The following LGMN variants were observed in gnomAD, a reference collection of about 807,000 sequenced individuals.
The protein encoded by LGMN is asparaginyl endopeptidase.
A neutral mutation model predicts 56.8 loss-of-function variants in LGMN; 36 were observed. The observed-to-expected ratio is 0.63, with a 90% CI of 0.49 to 0.84. The LOEUF (loss-of-function observed/expected upper bound fraction) is 0.84, where lower values mean the gene tolerates loss of function less well. Among genes scored for constraint, LGMN ranks in the 40% least tolerant of loss-of-function variants. The probability of loss-of-function intolerance (pLI) is 0.00; values close to 1 mark genes in which losing one functional copy is unlikely to be tolerated. For synonymous variants in LGMN, 199 were observed against 210.1 expected, an observed-to-expected ratio of 0.95 and a Z score of 0.46; for missense variants, 446 against 556.1, an observed-to-expected ratio of 0.80 and a Z score of 1.99.
chr14:92,715,325 TCTC>T (rs993464086), intron 5 of LGMN, among the ~76,000 whole-genome samples: 3 of 148,238 alleles, frequency 2.0e-5, no homozygotes, highest in African/African-American at 5.0e-5. Flanking sequence ...TTCAAGCAAT[TCTC>T]CTTCAGCCAC....
chr14:92,722,642 T>C (rs2140241119), intron 2 of LGMN, among the ~76,000 whole-genome samples: 1 of 152,206 alleles, frequency 6.6e-6, no homozygotes, highest in South Asian at 2.1e-4. Context: ...AAACCTTTAG[T>C]GCTTCCAAAG....
chr14:92,746,673 T>C (rs1379695352), intron 1 of LGMN, among the ~76,000 whole-genome samples: 1 of 152,118 alleles, frequency 6.6e-6, no homozygotes, highest in Non-Finnish European at 1.5e-5. Flanking sequence ...ACATTCAGGA[T>C]AAACTCCAAA....
intron 5 of LGMN, among the ~76,000 whole-genome samples, chr14:92,715,468 G>A (rs1006502546): frequency 1.3e-5 from 2 of 152,142 alleles, no homozygotes; most frequent in Non-Finnish European, 2.9e-5. Context: ...CGCCCACCTT[G>A]GCCTCCCAAA....
intron 1 of LGMN, among the ~76,000 whole-genome samples, chr14:92,745,709 C>G (rs1891784989): frequency 1.3e-5 from 2 of 152,208 alleles, no homozygotes; most frequent in South Asian, 4.1e-4. Context: ...ATACAAATGT[C>G]TCTGGCTTCT....
chr14:92,704,556 A>C (rs2402189), intron 13 of LGMN, 84 bp downstream of exon 13: 776,340 of 1,255,054 alleles, frequency 0.62, 244,081 homozygotes, highest in African/African-American at 0.82. Flanking sequence ...AGAAGTGAAA[A>C]TGCCCACTTG....
chr14:92,740,191 T>G (rs957599931), intron 1 of LGMN, among the ~76,000 whole-genome samples: 2 of 152,090 alleles, frequency 1.3e-5, no homozygotes, highest in Non-Finnish European at 2.9e-5. Flanking sequence ...GAGGTTGCAG[T>G]GAGGCGAGAT....
intron 3 of LGMN, among the ~76,000 whole-genome samples, chr14:92,718,488 C>T (rs1157906918): frequency 6.6e-6 from 1 of 151,988 alleles, no homozygotes; most frequent in African/African-American, 2.4e-5. Context: ...GTGGGAGGAT[C>T]ACTTGAACCC....
chr14:92,726,517 G>T (rs1467384212), intron 2 of LGMN, among the ~76,000 whole-genome samples: 1 of 152,138 alleles, frequency 6.6e-6, no homozygotes, highest in Non-Finnish European at 1.5e-5. Context: ...GTGGGGAAGG[G>T]GCTTGCCAGG....
intron 2 of LGMN, among the ~76,000 whole-genome samples, chr14:92,722,204 C>A (rs375542676): frequency 6.6e-6 from 1 of 151,076 alleles, no homozygotes; most frequent in Non-Finnish European, 1.5e-5. Context: ...GTGCAAGGTA[C>A]ACAGGTATTC....
In LGMN at chr14:92,708,945, G is replaced by T. The variant is rs1172392017; in HGVS notation, c.1020+727C>A. On this transcript the variant is annotated intron_variant, in intron 11 of 13. Transcript: ENST00000334869. ...ATCACTGTGCTGTGCTGACAATGGG[G>T]ATAAGGGCTAACAGAGTTGGCTTTG... 2.6e-5 allele frequency among the ~76,000 whole-genome samples: 4 copies of T among 151,736 alleles called. No homozygotes were observed. The East Asian group carries it at 7.7e-4, about 29-fold the overall frequency.
chr14:92,713,412 G>C (rs1223135683), intron 7 of LGMN, among the ~76,000 whole-genome samples: 1 of 152,012 alleles, frequency 6.6e-6, no homozygotes, highest in Non-Finnish European at 1.5e-5. Flanking sequence ...TTCCATAAAG[G>C]GTGCTATAGG....
In LGMN at chr14:92,743,584, T is replaced by C. The variant is rs530273652; in HGVS notation, c.-30+4905A>G. Among the ~76,000 whole-genome samples the C allele has an allele frequency of 1.1e-4, 17 of 151,590 alleles. No homozygotes were observed. The East Asian group carries it at 3.1e-3, about 28-fold the overall frequency. On this transcript the variant is annotated intron_variant, in intron 1 of 13. Transcript: ENST00000334869. ...TGAGAGGCCAAGGTGGGTGGATCAC[T>C]TGAAGCCAGGAGTTCAAGACCAGCC...
At position 92,704,135 on chromosome 14, in the gene LGMN, G is replaced by T; in HGVS notation, c.*184C>A. 1 of 746,252 alleles carries T rather than the reference G, an allele frequency of 1.3e-6. No individual in the cohort carries two copies. The highest frequency in any genetic ancestry group is 1.4e-5 in the South Asian group (1 of 69,294). The allele number at this position is 746,252 out of a possible 1,614,324, so 46.2% of individuals were successfully genotyped here. A position where few individuals can be genotyped will look rare whatever the true frequency, so the allele number is the denominator to read the frequency against. On this transcript the variant is annotated 3_prime_UTR_variant, in exon 14 of 14. Transcript: ENST00000334869. ...CCCTAATTTGTAGTTTTTCAGAAAA[G>T]ACTGGGGAAGCAGGTAACAGCGAGC...
chr14:92,728,179 C>T (rs1333219734), intron 2 of LGMN, among the ~76,000 whole-genome samples: 1 of 152,190 alleles, frequency 6.6e-6, no homozygotes, highest in African/African-American at 2.4e-5. Flanking sequence ...TTGTGGAAGA[C>T]AATTTTTCCA....
intron 2 of LGMN, 118 bp downstream of exon 2, chr14:92,732,531 C>A: frequency 8.8e-7 from 1 of 1,134,034 alleles, no homozygotes; most frequent in African/African-American, 1.6e-5. Flanking sequence ...ATGTTACAGC[C>A]AGCCTAACAG....
At chr14:92,719,176 A>ACCACCG (rs1566923704) in intron 2 of LGMN, among the ~76,000 whole-genome samples, 13 of 104,232 alleles carry the variant, frequency 1.2e-4, no homozygotes, top group Non-Finnish European at 1.9e-4. Context: ...CACCACCACC[A>ACCACCG]CCACCATCAC....
chr14:92,747,939 A>G (rs1485324681), intron 1 of LGMN, among the ~76,000 whole-genome samples: 3 of 152,194 alleles, frequency 2.0e-5, no homozygotes, highest in African/African-American at 7.2e-5. Context: ...TTTCACTTCC[A>G]AGATTGAAGC....
At position 92,711,714 on chromosome 14, in the gene LGMN, T is replaced by C. The variant is rs766106320; in HGVS notation, c.764A>G (p.Tyr255Cys). 3.7e-6 allele frequency: 6 copies of C among 1,614,100 alleles called. No individual in the cohort carries two copies. Among genetic ancestry groups the C allele is most frequent in the Non-Finnish European group, 4.2e-6 (5 of 1,180,042 alleles). Reference sequence around the variant, plus strand: ...GTTGGTGTGCGATTTTACCAGGTGGTACTGCTTGTGCAGGGTCTCTTTAGT... The same window carrying C: ...GTTGGTGTGCGATTTTACCAGGTGGCACTGCTTGTGCAGGGTCTCTTTAGT... ...DLTKETLHKQ[Y>C]HLVKSHTNTS... The change falls in exon 10 of 14, where the codon TAC becomes TGC. Residue 255 changes from tyrosine (Y) to cysteine (C), a missense_variant. Coordinates refer to ENST00000334869, the MANE Select transcript of LGMN (RefSeq NM_005606.7).
chr14:92,733,344 G>A lies in LGMN; in HGVS notation c.-29-529C>T, dbSNP rs111495988. On this transcript the variant is annotated intron_variant, in intron 1 of 13. Transcript: ENST00000334869. Reference sequence around the variant, plus strand: ...CCATACCTCCCAATCTTCACTACAAGTCCAAGTCATGCATATAAAATAAAA... The same window carrying A: ...CCATACCTCCCAATCTTCACTACAAATCCAAGTCATGCATATAAAATAAAA... 3.3e-3 allele frequency among the ~76,000 whole-genome samples: 500 copies of A among 152,256 alleles called. 3 individuals are homozygous for A. The highest frequency in any genetic ancestry group is 0.011 in the African/African-American group (472 of 41,542).
Sources: allele counts gnomAD v4.1 joint callset (sites outside exome capture counted in the v4.1 genomes callset), GRCh38; gene constraint gnomAD v4.1.1; transcripts MANE v1.5; gene names NCBI Gene and HGNC (gene_info 2026-07-23, HGNC 2026-07-21).